The following TSBP1 variants were observed in gnomAD, a reference collection of about 807,000 sequenced individuals.
The protein encoded by TSBP1 is testis-expressed basic protein 1.
A neutral mutation model predicts 68.8 loss-of-function variants in TSBP1; 56 were observed. The ratio of observed to expected loss-of-function variants is 0.81; its 90% CI spans 0.66 to 1.02. The LOEUF (loss-of-function observed/expected upper bound fraction) is 1.02, where lower values mean the gene tolerates loss of function less well. Ranked by LOEUF, TSBP1 falls within the 50% of genes least tolerant of loss-of-function variation. The probability of loss-of-function intolerance (pLI) is 0.00; values close to 1 mark genes in which losing one functional copy is unlikely to be tolerated. For synonymous variants in TSBP1, 171 were observed against 208.7 expected, an observed-to-expected ratio of 0.82 and a Z score of 1.56; for missense variants, 502 against 641.2, an observed-to-expected ratio of 0.78 and a Z score of 2.34.
chr6:32,354,391 G>A (rs1237553692), intron 8 of TSBP1, among the ~76,000 whole-genome samples: 1 of 151,976 alleles, frequency 6.6e-6, no homozygotes, highest in Non-Finnish European at 1.5e-5. Flanking sequence ...TATTCAAGTG[G>A]CAATAATAGA....
Position 32,302,781 on chromosome 6 carries a change from T to A in TSBP1, c.581-152A>T, listed in dbSNP as rs1181739335. The A allele has an allele frequency of 9.9e-6, 6 of 606,628 alleles. No homozygotes were observed. Among genetic ancestry groups the A allele is most frequent in the Non-Finnish European group, 1.7e-5 (6 of 342,922 alleles). The allele number at this position is 606,628 out of a possible 1,614,324, so 37.6% of individuals were successfully genotyped here. A position where few individuals can be genotyped will look rare whatever the true frequency, so the allele number is the denominator to read the frequency against. ...GAAATATGATGAGACAACAGATCCC[T>A]TAGTGTGTTATAAGAACCTGACAGT... On this transcript the variant is annotated intron_variant, in intron 19 of 22. Coordinates refer to ENST00000612031, the Ensembl canonical transcript of TSBP1. The surrounding 1 kb of genome is among the most constrained non-coding windows in gnomAD (Gnocchi z 5.1).
Position 32,365,963 on chromosome 6 carries a change from T to G in TSBP1, c.217+204A>C, listed in dbSNP as rs750580964. On this transcript the variant is annotated intron_variant, in intron 6 of 22. Coordinates refer to ENST00000612031, the Ensembl canonical transcript of TSBP1. The surrounding 1 kb of genome is among the most constrained non-coding windows in gnomAD (Gnocchi z 4.3). ...TTTTGTTAAATAATTAGGAGTTGGA[T>G]AGGAGAGGAATTGCATAGCTTTGGG... The G allele has an allele frequency of 1.3e-6, 1 of 742,438 alleles. No homozygotes were observed. Among genetic ancestry groups the G allele is most frequent in the South Asian group, 1.5e-5 (1 of 67,792 alleles). The allele number at this position is 742,438 out of a possible 1,614,324, so 46.0% of individuals were successfully genotyped here. A position where few individuals can be genotyped will look rare whatever the true frequency, so the allele number is the denominator to read the frequency against.
At chr6:32,330,862 G>A (rs1768931140) in intron 15 of TSBP1, among the ~76,000 whole-genome samples, 1 of 151,992 alleles carries the variant, frequency 6.6e-6, no homozygotes, top group Non-Finnish European at 1.5e-5. Flanking sequence ...GTAGAGATGG[G>A]GTTTCACCAT....
At position 32,355,833 on chromosome 6, in the gene TSBP1, T is replaced by TA. The variant is rs554912027; in HGVS notation, c.218-165dup. 3.2e-4 allele frequency among the ~76,000 whole-genome samples: 49 copies of TA among 152,168 alleles called. No individual in the cohort carries two copies. In the South Asian group the frequency reaches 8.3e-3, roughly 26 times the overall value. On this transcript the variant is annotated intron_variant, in intron 6 of 22. Transcript: ENST00000612031. ...GCTTAATTTATAAGTTTAATGACAT[T>TA]AAAAAAACAGGCAGAGTTTAATTAA...
At chr6:32,347,702 T>C (rs1159857311) in intron 9 of TSBP1, among the ~76,000 whole-genome samples, 1 of 152,178 alleles carries the variant, frequency 6.6e-6, no homozygotes, top group African/African-American at 2.4e-5. Context: ...TCTCCATATT[T>C]TATTCTAAAA....
intron 9 of TSBP1, 142 bp from the exon 11 acceptor site, chr6:32,339,780 C>G (rs916775427): frequency 4.1e-6 from 2 of 492,484 alleles, no homozygotes; most frequent in South Asian, 6.6e-5. Context: ...CCGACTTTTG[C>G]TATTCTCTAG....
At chr6:32,300,733 T>TAC in intron 20 of TSBP1, 33 bp from the exon 24 acceptor site, 1 of 1,598,256 alleles carries the variant, frequency 6.3e-7, no homozygotes, top group East Asian at 2.2e-5. Flanking sequence ...CATCAGTAGG[T>TAC]ACTGGGCATT....
chr6:32,343,128 C>G lies in TSBP1; in HGVS notation c.350-3490G>C. On this transcript the variant is annotated intron_variant, in intron 9 of 22. Transcript: ENST00000612031. The surrounding 1 kb of genome is among the most constrained non-coding windows in gnomAD (Gnocchi z 4.3). ...GGTGGAGAATTATGAGTCTTAAGCC[C>G]TTTCACCCTGACATAGCAGGAAACA... 1 of 559,806 alleles carries G rather than the reference C, an allele frequency of 1.8e-6. No homozygotes were observed. Among genetic ancestry groups the G allele is most frequent in the Non-Finnish European group, 2.8e-6 (1 of 351,512 alleles). 34.7% of individuals were successfully genotyped at this position (559,806 alleles called of 1,614,324 possible).
intron 19 of TSBP1, among the ~76,000 whole-genome samples, chr6:32,313,486 T>C (rs1766625023): frequency 6.6e-6 from 1 of 152,244 alleles, no homozygotes; most frequent in Non-Finnish European, 1.5e-5. Context: ...TGTTCAATGC[T>C]GTTAGGTTTC....
At chr6:32,319,025 A>G (rs1248605435) in intron 18 of TSBP1, among the ~76,000 whole-genome samples, 1 of 152,198 alleles carries the variant, frequency 6.6e-6, no homozygotes, top group Admixed American at 6.5e-5. Context: ...ACATGCTTGA[A>G]GCCTGCTAAG....
Position 32,316,051 on chromosome 6 carries a change from T to G in TSBP1, c.560-259A>C, listed in dbSNP as rs1467852511. 6.6e-6 allele frequency among the ~76,000 whole-genome samples: 1 copy of G among 152,228 alleles called. No homozygotes were observed. Among genetic ancestry groups the G allele is most frequent in the Non-Finnish European group, 1.5e-5 (1 of 68,040 alleles). ...CTTCATTTACTGGACCCAACAGCTT[T>G]GGGTATAGTCTCGGGTAGAGACTGC... On this transcript the variant is annotated intron_variant, in intron 18 of 22. Transcript: ENST00000612031. This position sits in a 1 kb window ranked among gnomAD's most constrained non-coding sequence, Gnocchi z 4.5.
At position 32,333,014 on chromosome 6, in the gene TSBP1, GTTGT is replaced by G. The variant is rs1769232140; in HGVS notation, c.473-964_473-961del. Among the ~76,000 whole-genome samples, 1 of 149,086 alleles carries G rather than the reference GTTGT, an allele frequency of 6.7e-6. No homozygotes were observed. Among genetic ancestry groups the G allele is most frequent in the Admixed American group, 6.7e-5 (1 of 14,982 alleles). On this transcript the variant is annotated intron_variant, in intron 14 of 22. Transcript: ENST00000612031. The surrounding 1 kb of genome is among the most constrained non-coding windows in gnomAD (Gnocchi z 4.2). Reference sequence around the variant, plus strand: ...GAAAGCCTGTTATGTTTTTTTTGTTGTTGTTTTTTTTTTAGACAGAGTCTTACTC... The same window carrying G: ...GAAAGCCTGTTATGTTTTTTTTGTTGTTTTTTTTTAGACAGAGTCTTACTC...
intron 16 of TSBP1, chr6:32,323,899 G>A: frequency 2.2e-6 from 1 of 448,386 alleles, no homozygotes; most frequent in South Asian, 3.4e-5. Flanking sequence ...TCCTACGGTG[G>A]TGAAAACATG....
chr6:32,294,807 C>T (rs1324893218), intron 22 of TSBP1, among the ~76,000 whole-genome samples: 1 of 152,076 alleles, frequency 6.6e-6, no homozygotes, highest in Non-Finnish European at 1.5e-5. Flanking sequence ...TCAGCTGTTA[C>T]GTCTCAATTC....
intron 6 of TSBP1, among the ~76,000 whole-genome samples, chr6:32,363,399 A>G (rs58600087): frequency 1.3e-3 from 198 of 152,136 alleles, no homozygotes; most frequent in African/African-American, 4.0e-3. Context: ...AGGACTTAAT[A>G]TAGTTATTTT....
Position 32,294,222 on chromosome 6 carries a change from A to G in TSBP1, c.638-187T>C, listed in dbSNP as rs969511922. Reference sequence around the variant, plus strand: ...TATAAAAGTATCGATAAAATTCTGGACTATTTTCAATAATTTGGAAGATTA... The same window carrying G: ...TATAAAAGTATCGATAAAATTCTGGGCTATTTTCAATAATTTGGAAGATTA... On this transcript the variant is annotated intron_variant, in intron 22 of 22. Transcript: ENST00000612031. 5.0e-5 allele frequency: 35 copies of G among 695,892 alleles called. 1 individual carries two copies. Among genetic ancestry groups the G allele is most frequent in the Non-Finnish European group, 7.8e-5 (32 of 409,792 alleles). The allele number at this position is 695,892 out of a possible 1,614,324, so 43.1% of individuals were successfully genotyped here. A position where few individuals can be genotyped will look rare whatever the true frequency, so the allele number is the denominator to read the frequency against.
intron 22 of TSBP1, among the ~76,000 whole-genome samples, chr6:32,297,992 T>C (rs1235557341): frequency 6.6e-6 from 1 of 152,172 alleles, no homozygotes. Context: ...TTTTAAAAGA[T>C]TAAACAGATT....
Position 32,338,841 on chromosome 6 carries a change from A to C in TSBP1, c.409+138T>G, listed in dbSNP as rs1175989244. On this transcript the variant is annotated intron_variant, in intron 11 of 22. Coordinates refer to ENST00000612031, the Ensembl canonical transcript of TSBP1. The surrounding 1 kb of genome is among the most constrained non-coding windows in gnomAD (Gnocchi z 5.5). Reference sequence around the variant, plus strand: ...AGGCACCCCAGTTTATTAAGATAAGAATAGGGAATAAACAAGGGGAAAGGA... The same window carrying C: ...AGGCACCCCAGTTTATTAAGATAAGCATAGGGAATAAACAAGGGGAAAGGA... 4 of 740,006 alleles carry C rather than the reference A, an allele frequency of 5.4e-6. No individual in the cohort carries two copies. In the Admixed American group the frequency reaches 6.4e-5, roughly 12 times the overall value. 45.8% of individuals were successfully genotyped at this position (740,006 alleles called of 1,614,324 possible). A position where few individuals can be genotyped will look rare whatever the true frequency, so the allele number is the denominator to read the frequency against.
chr6:32,355,518 C>CT (rs1453598247), intron 7 of TSBP1, 131 bp downstream of exon 7: 2 of 1,179,800 alleles, frequency 1.7e-6, no homozygotes, highest in South Asian at 1.4e-5. Context: ...CACTAGAAAA[C>CT]TTTATCTATT....
Sources: gnomAD v4.1 joint callset for allele counts (sites outside exome capture counted in the v4.1 genomes callset) on GRCh38, gnomAD v4.1.1 for gene constraint, Gnocchi (gnomAD v3.1) non-coding constraint, MANE v1.5 for transcripts, NCBI Gene and HGNC (gene_info 2026-07-23, HGNC 2026-07-21) for gene names.